CAMK2D: variants seen among roughly 807,000 people sequenced by gnomAD.
CAMK2D encodes the protein calcium/calmodulin dependent protein kinase II delta, also known as calcium/calmodulin-dependent protein kinase type II subunit delta.
CAMK2D carries 37 observed loss-of-function variants against 84.0 expected under a neutral mutation model. That is an observed-to-expected ratio of 0.44 (90% CI 0.34 to 0.58). The LOEUF is 0.58. Ranked by LOEUF, CAMK2D falls within the 20% of genes least tolerant of loss-of-function variation. The pLI is 0.02. For missense variants in CAMK2D, 448 were observed against 652.5 expected, an observed-to-expected ratio of 0.69 and a Z score of 3.41; for synonymous variants, 202 against 212.5, an observed-to-expected ratio of 0.95 and a Z score of 0.43.
In CAMK2D at chr4:113,481,748, G is replaced by T. The variant is rs192088300; in HGVS notation, c.1136-16144C>A. ...ATCTGCCTGCCTCCCAAAGTGCTGG[G>T]ATTACAGGCATGAACCACCATGCCC... On this transcript the variant is annotated intron_variant, in intron 16 of 20. Coordinates refer to ENST00000511664, the MANE Select transcript of CAMK2D (RefSeq NM_001321571.2). Among the ~76,000 whole-genome samples the T allele has an allele frequency of 4.6e-5, 7 of 152,298 alleles. No homozygotes were observed. In the East Asian group the frequency reaches 1.3e-3, roughly 29 times the overall value.
At chr4:113,478,358 C>T (rs139893493) in intron 16 of CAMK2D, among the ~76,000 whole-genome samples, 40 of 152,330 alleles carry the variant, frequency 2.6e-4, no homozygotes, top group Middle Eastern at 3.4e-3. Context: ...TGTTTACACA[C>T]ATCTCAAACA....
At chr4:113,545,287 T>C (rs892203391) in intron 6 of CAMK2D, among the ~76,000 whole-genome samples, 11 of 152,192 alleles carry the variant, frequency 7.2e-5, no homozygotes, top group African/African-American at 2.7e-4. Flanking sequence ...ACTTATATCC[T>C]TATAGGTGCT....
chr4:113,721,248 G>A (rs1239061052), intron 2 of CAMK2D, among the ~76,000 whole-genome samples: 1 of 152,120 alleles, frequency 6.6e-6, no homozygotes, highest in Non-Finnish European at 1.5e-5. Context: ...AAGGTAACTT[G>A]TGATCAAAAT....
chr4:113,526,905 C>CTTTTTTTTTTTT (rs34934229), intron 8 of CAMK2D, among the ~76,000 whole-genome samples: 1 of 137,064 alleles, frequency 7.3e-6, no homozygotes. Context: ...TTTTACTGTG[C>CTTTTTTTTTTTT]TTTTTTTTTT....
chr4:113,486,721 A>C (rs2097769030), intron 16 of CAMK2D, among the ~76,000 whole-genome samples: 1 of 152,264 alleles, frequency 6.6e-6, no homozygotes, highest in Admixed American at 6.5e-5. Flanking sequence ...TAATATAACA[A>C]CAAAGCTTGG....
Position 113,636,583 on chromosome 4 carries a change from T to C in CAMK2D, c.220+25130A>G, listed in dbSNP as rs188283368. Among the ~76,000 whole-genome samples the C allele has an allele frequency of 1.4e-3, 208 of 152,312 alleles. 1 individual carries two copies. Among genetic ancestry groups the C allele is most frequent in the African/African-American group, 4.8e-3 (198 of 41,576 alleles). On this transcript the variant is annotated intron_variant, in intron 3 of 20. Coordinates refer to ENST00000511664, the MANE Select transcript of CAMK2D (RefSeq NM_001321571.2). ...ATTTATTTCTCACAGTTCCGGAGGC[T>C]GGGAAGTCCAAGATCAAGGTACAGG... is the stretch of plus-strand genomic sequence containing the variant.
intron 13 of CAMK2D, among the ~76,000 whole-genome samples, chr4:113,506,880 A>C (rs1401776712): frequency 2.0e-5 from 3 of 150,922 alleles, no homozygotes; most frequent in Non-Finnish European, 4.4e-5. Context: ...TATCTGTACA[A>C]GTGCACATGT....
At chr4:113,492,056 C>A (rs879949927) in intron 16 of CAMK2D, among the ~76,000 whole-genome samples, 13 of 151,970 alleles carry the variant, frequency 8.6e-5, no homozygotes, top group Admixed American at 3.3e-4. Context: ...GTCTTCCTAG[C>A]GGTCTATCAA....
chr4:113,731,263 GCCAT>G (rs2099568210), intron 2 of CAMK2D, among the ~76,000 whole-genome samples: 1 of 152,130 alleles, frequency 6.6e-6, no homozygotes. Flanking sequence ...ATGACCGCAG[GCCAT>G]TCATTTTATA....
intron 16 of CAMK2D, among the ~76,000 whole-genome samples, chr4:113,477,749 A>C (rs1480968633): frequency 2.6e-5 from 4 of 151,398 alleles, no homozygotes; most frequent in African/African-American, 9.7e-5. Flanking sequence ...CTGTCTCAAA[A>C]AAAAAAAAAA....
At chr4:113,639,110 T>G (rs1269411958) in intron 3 of CAMK2D, among the ~76,000 whole-genome samples, 1 of 148,044 alleles carries the variant, frequency 6.8e-6, no homozygotes, top group Non-Finnish European at 1.5e-5. Context: ...CCCGGTGTGG[T>G]GGTGTGCACC....
intron 2 of CAMK2D, among the ~76,000 whole-genome samples, chr4:113,738,352 T>C (rs2099585856): frequency 1.3e-5 from 2 of 152,176 alleles, no homozygotes; most frequent in Admixed American, 1.3e-4. Flanking sequence ...AAATGTTCCC[T>C]TCCAATCCAT....
intron 3 of CAMK2D, among the ~76,000 whole-genome samples, chr4:113,629,331 C>T (rs2099080188): frequency 6.6e-6 from 1 of 151,904 alleles, no homozygotes; most frequent in African/African-American, 2.4e-5. Flanking sequence ...TTTTGAAAAT[C>T]AAAAATAGAC....
At chr4:113,499,536 G>T (rs946618381) in intron 16 of CAMK2D, among the ~76,000 whole-genome samples, 10 of 152,062 alleles carry the variant, frequency 6.6e-5, no homozygotes, top group Admixed American at 4.6e-4. Flanking sequence ...AACTTTACAA[G>T]ACTTTATTGT....
chr4:113,638,731 C>T (rs17593030), intron 3 of CAMK2D, among the ~76,000 whole-genome samples: 8,908 of 152,062 alleles, frequency 0.059, 491 homozygotes, highest in East Asian at 0.19. Flanking sequence ...TCAAATATCC[C>T]CCAAATCTGT....
At chr4:113,627,478 T>G (rs1369344948) in intron 3 of CAMK2D, among the ~76,000 whole-genome samples, 2 of 152,148 alleles carry the variant, frequency 1.3e-5, no homozygotes, top group Admixed American at 1.3e-4. Context: ...ATAACCTAGT[T>G]TTATGTGTGT....
intron 2 of CAMK2D, among the ~76,000 whole-genome samples, chr4:113,743,689 T>C (rs2099598136): frequency 1.3e-5 from 2 of 152,176 alleles, no homozygotes; most frequent in Admixed American, 1.3e-4. Flanking sequence ...CAATAAATAC[T>C]ACCCTCTTTC....
chr4:113,500,544 C>A (rs750134265), intron 15 of CAMK2D, 33 bp from the exon 16 acceptor site: 4 of 1,469,718 alleles, frequency 2.7e-6, no homozygotes, highest in Middle Eastern at 1.7e-4. Flanking sequence ...TTAGGTTGCA[C>A]GCAATGAATA....
intron 2 of CAMK2D, among the ~76,000 whole-genome samples, chr4:113,747,318 T>TAAAA (rs1562201207): frequency 2.1e-4 from 23 of 112,128 alleles, no homozygotes; most frequent in African/African-American, 6.5e-4. Flanking sequence ...TTTTTTTTTT[T>TAAAA]TAAATTCAAT....
Sources: allele counts gnomAD v4.1 joint callset (sites outside exome capture counted in the v4.1 genomes callset), GRCh38; gene constraint gnomAD v4.1.1; transcripts MANE v1.5; gene names NCBI Gene and HGNC (gene_info 2026-07-23, HGNC 2026-07-21).